OPHN1: variants seen among roughly 807,000 people sequenced by gnomAD.
OPHN1 encodes oligophrenin-1.
OPHN1 carries 11 observed loss-of-function variants against 60.7 expected under a neutral mutation model. That is an observed-to-expected ratio of 0.18 (90% confidence interval 0.11 to 0.30). The LOEUF (loss-of-function observed/expected upper bound fraction) is 0.30. OPHN1 is among the 10% of genes least tolerant of loss of function. The pLI is 1.00. For missense variants in OPHN1, 449 were observed against 611.0 expected (o/e 0.73, Z 2.80); for synonymous variants, 226 against 222.6 (o/e 1.02, Z -0.14).
intron 2 of OPHN1, among the ~76,000 whole-genome samples, chrX:68,307,920 G>A (rs193081363): frequency 5.4e-5 from 6 of 111,893 alleles, no homozygotes; most frequent in Non-Finnish European, 9.4e-5. Context: ...TTGTGGTTTT[G>A]ACTACTTTCA....
chrX:68,229,111 A>T (rs2077713354), intron 6 of OPHN1, among the ~76,000 whole-genome samples: 1 of 111,337 alleles, frequency 9.0e-6, no homozygotes, highest in Admixed American at 9.6e-5. Context: ...ATTCCTATAC[A>T]CCAATAACAG....
At chrX:68,096,790 G>T (rs1262487192) in intron 19 of OPHN1, 80 bp downstream of exon 19, 14 of 1,003,511 alleles carry the variant, frequency 1.4e-5, no homozygotes, top group South Asian at 1.3e-4. Context: ...GAGCCAAGGA[G>T]GAAGACACAG....
chrX:68,210,194 C>T lies in OPHN1; in HGVS notation c.791G>A (p.Gly264Glu), dbSNP rs368229175. ...KEAPQTCKLPGQPTIEGYLYT... is the reference protein window; with the variant it reads ...KEAPQTCKLPEQPTIEGYLYT... ...GAGATAGCCTTCAATAGTTGGCTGT[C>T]CTGGAAGTTTGCATGTCTGGGGAGC... is the stretch of plus-strand genomic sequence containing the variant. The change falls in exon 9 of 25, where the codon GGA becomes GAA. Residue 264 changes from glycine (G) to glutamate (E), a missense_variant. Gly to Glu is a moderately conservative substitution (Grantham distance 98). Transcript: ENST00000355520. 1.7e-6 allele frequency: 2 copies of T among 1,210,614 alleles called. No individual in the cohort carries two copies. The highest frequency in any genetic ancestry group is 2.2e-6 in the Non-Finnish European group (2 of 894,693).
At chrX:68,364,721 A>T (rs990985767) in intron 2 of OPHN1, among the ~76,000 whole-genome samples, 8 of 112,552 alleles carry the variant, frequency 7.1e-5, no homozygotes, top group African/African-American at 2.3e-4. Flanking sequence ...TAATAAAATT[A>T]AAAATATATT....
Position 68,316,767 on chromosome X carries a change from T to C in OPHN1, c.155-17671A>G, listed in dbSNP as rs185646617. Among the ~76,000 whole-genome samples the C allele has an allele frequency of 3.2e-3, 342 of 106,897 alleles. 1 individual carries two copies. The highest frequency in any genetic ancestry group is 6.8e-3 in the South Asian group (18 of 2,644). The allele number at this position is 106,897 out of a possible 115,157, so 92.8% of individuals were successfully genotyped here. A position where few individuals can be genotyped will look rare whatever the true frequency, so the allele number is the denominator to read the frequency against. On this transcript the variant is annotated intron_variant, in intron 2 of 24. Transcript: ENST00000355520. ...CTGGGCACAATTGGCTAATCCAAGA[T>C]ATGCTCACATCTCAAAATTAGGCCA...
intron 21 of OPHN1, among the ~76,000 whole-genome samples, chrX:68,057,507 T>A (rs1407714594): frequency 9.0e-6 from 1 of 111,573 alleles, no homozygotes; most frequent in Admixed American, 9.6e-5. Flanking sequence ...CCTGAAACCA[T>A]GCCTTGATGA....
At chrX:68,129,818 G>C (rs1428476613) in intron 15 of OPHN1, among the ~76,000 whole-genome samples, 2 of 112,153 alleles carry the variant, frequency 1.8e-5, no homozygotes, top group African/African-American at 6.5e-5. Flanking sequence ...AACAGATCAA[G>C]TGAGAGGAAA....
At chrX:68,198,908 G>A (rs1019576155) in intron 11 of OPHN1, among the ~76,000 whole-genome samples, 2 of 111,393 alleles carry the variant, frequency 1.8e-5, no homozygotes, top group African/African-American at 6.5e-5. Context: ...ACAGTCTTGT[G>A]GTTACTGGCA....
At chrX:68,341,955 GT>G (rs1256838733) in intron 2 of OPHN1, among the ~76,000 whole-genome samples, 1 of 104,117 alleles carries the variant, frequency 9.6e-6, no homozygotes, top group Non-Finnish European at 1.9e-5. Flanking sequence ...ATGAAAAAAA[GT>G]TAATTTTTGG....
At chrX:68,335,207 G>A (rs774030715) in intron 2 of OPHN1, among the ~76,000 whole-genome samples, 40 of 107,586 alleles carry the variant, frequency 3.7e-4, no homozygotes, top group Non-Finnish European at 6.5e-4. Flanking sequence ...ACGAAGATAC[G>A]TTAGGTGCCC....
At chrX:68,378,897 G>A (rs2078577534) in intron 2 of OPHN1, among the ~76,000 whole-genome samples, 1 of 111,414 alleles carries the variant, frequency 9.0e-6, no homozygotes, top group Non-Finnish European at 1.9e-5. Flanking sequence ...TTTTGCTTAG[G>A]ATTGACTTGG....
intron 2 of OPHN1, among the ~76,000 whole-genome samples, chrX:68,302,387 G>A (rs1361814014): frequency 9.1e-6 from 1 of 110,489 alleles, no homozygotes; most frequent in African/African-American, 3.3e-5. Flanking sequence ...TCAGGAGTTC[G>A]AAACCAGACT....
At position 68,352,361 on chromosome X, in the gene OPHN1, G is replaced by GAA. The variant is rs11452730; in HGVS notation, c.155-53267_155-53266dup. Among the ~76,000 whole-genome samples, 49 of 93,593 alleles carry GAA rather than the reference G, an allele frequency of 5.2e-4. No individual in the cohort carries two copies. In the South Asian group the frequency reaches 7.3e-3, roughly 14 times the overall value. The allele number at this position is 93,593 out of a possible 115,157, so 81.3% of individuals were successfully genotyped here. On this transcript the variant is annotated intron_variant, in intron 2 of 24. Coordinates refer to ENST00000355520, the MANE Select transcript of OPHN1 (RefSeq NM_002547.3). ...ATTACAATTAATTAACAAAAGAAAT[G>GAA]AAAAAAAAAAAACACCCAGCCCTCC...
chrX:68,182,192 T>TTTG (rs2077440429), intron 15 of OPHN1, among the ~76,000 whole-genome samples: 1 of 95,525 alleles, frequency 1.0e-5, no homozygotes, highest in Non-Finnish European at 2.1e-5. Context: ...TCTGTAGTTT[T>TTTG]TTTTTTTTTT....
At chrX:68,225,905 A>G (rs1414240987) in intron 6 of OPHN1, among the ~76,000 whole-genome samples, 1 of 112,352 alleles carries the variant, frequency 8.9e-6, no homozygotes, top group Non-Finnish European at 1.9e-5. Context: ...AGAAGGCTTC[A>G]GATGATCGGT....
chrX:68,052,180 C>A (rs1271715585), intron 23 of OPHN1, among the ~76,000 whole-genome samples: 1 of 109,817 alleles, frequency 9.1e-6, no homozygotes, highest in Non-Finnish European at 1.9e-5. Flanking sequence ...GTCCCAGCTA[C>A]TAGGGAGGCT....
intron 12 of OPHN1, among the ~76,000 whole-genome samples, chrX:68,195,493 A>G (rs2077509274): frequency 8.9e-6 from 1 of 112,043 alleles, no homozygotes; most frequent in African/African-American, 3.2e-5. Flanking sequence ...TGCCCTTTCC[A>G]TTCTCCAGAT....
At chrX:68,226,101 G>A (rs866839493) in intron 6 of OPHN1, among the ~76,000 whole-genome samples, 31 of 111,921 alleles carry the variant, frequency 2.8e-4, no homozygotes, top group Middle Eastern at 4.6e-3. Context: ...TTCAGTAGCC[G>A]ATTCGATCAA....
chrX:68,240,555 G>A (rs983509804), intron 5 of OPHN1, among the ~76,000 whole-genome samples: 4 of 109,403 alleles, frequency 3.7e-5, no homozygotes, highest in Non-Finnish European at 3.8e-5. Flanking sequence ...TAATTCTTTC[G>A]TCTTTTTAAC....
Sources: gnomAD v4.1 joint callset for allele counts (sites outside exome capture counted in the v4.1 genomes callset) on GRCh38, gnomAD v4.1.1 for gene constraint, MANE v1.5 for transcripts, NCBI Gene and HGNC (gene_info 2026-07-23, HGNC 2026-07-21) for gene names.